The following MARCHF1 variants were observed in gnomAD, a reference collection of about 807,000 sequenced individuals.
MARCHF1 encodes E3 ubiquitin-protein ligase MARCHF1.
In MARCHF1, 40 loss-of-function variants were observed where a neutral mutation model predicts 54.2. The observed-to-expected ratio is 0.74, with a 90% CI of 0.57 to 0.96. MARCHF1 has a LOEUF of 0.96. Ranked by LOEUF, MARCHF1 falls within the 40% of genes least tolerant of loss-of-function variation. The probability of loss-of-function intolerance (pLI) is 0.00; values close to 1 mark genes in which losing one functional copy is unlikely to be tolerated. For missense variants in MARCHF1, 586 were observed against 656.5 expected (o/e 0.89, Z 1.17); for synonymous variants, 236 against 236.3 (o/e 1.00, Z 0.01).
intron 3 of MARCHF1, among the ~76,000 whole-genome samples, chr4:163,924,214 A>T (rs373670433): frequency 7.2e-5 from 11 of 152,082 alleles, no homozygotes; most frequent in East Asian, 3.8e-4. Flanking sequence ...ATGCTTTGCA[A>T]TTTCAGAGGA....
At chr4:163,781,119 G>C (rs990440452) in intron 4 of MARCHF1, among the ~76,000 whole-genome samples, 4 of 152,168 alleles carry the variant, frequency 2.6e-5, no homozygotes, top group East Asian at 1.9e-4. Flanking sequence ...CAAGGGGCGG[G>C]GGGGGTGGAT....
chr4:163,600,642 T>C (rs1740934350), intron 7 of MARCHF1, among the ~76,000 whole-genome samples: 1 of 152,154 alleles, frequency 6.6e-6, no homozygotes, highest in Non-Finnish European at 1.5e-5. Context: ...CCTCTTACTG[T>C]GTGGCAAAAC....
Position 163,664,710 on chromosome 4 carries a change from TATAA to T in MARCHF1, c.162+36099_162+36102del, listed in dbSNP as rs1288206033. Among the ~76,000 whole-genome samples the T allele has an allele frequency of 7.2e-5, 11 of 152,178 alleles. No homozygotes were observed. The East Asian group carries it at 2.1e-3, about 29-fold the overall frequency. On this transcript the variant is annotated intron_variant, in intron 5 of 9. Transcript: ENST00000514618. ...GGCTTAGGACAGAATAAATCAGCAT[TATAA>T]ATAAACTCTCAAAGATACTCCCCAT...
chr4:163,693,280 T>G (rs999163348), intron 5 of MARCHF1, among the ~76,000 whole-genome samples: 1 of 151,444 alleles, frequency 6.6e-6, no homozygotes, highest in Non-Finnish European at 1.5e-5. Flanking sequence ...CTAGTGCATT[T>G]CTTCCAGAGT....
intron 1 of MARCHF1, among the ~76,000 whole-genome samples, chr4:164,201,805 T>C (rs946748816): frequency 6.6e-6 from 1 of 152,208 alleles, no homozygotes; most frequent in South Asian, 2.1e-4. Flanking sequence ...ATAGAAAGGC[T>C]AGCTTGAATT....
At position 163,630,827 on chromosome 4, in the gene MARCHF1, A is replaced by C. The variant is rs189846295; in HGVS notation, c.163-17434T>G. Among the ~76,000 whole-genome samples the C allele has an allele frequency of 2.8e-3, 425 of 152,276 alleles. 1 individual carries two copies. The highest frequency in any genetic ancestry group is 6.8e-3 in the Middle Eastern group (2 of 294). ...AGAAAGATGAATACAAAAAAGGAAA[A>C]AATTGGTAGTGCAGAAAAAGTTGGA... On this transcript the variant is annotated intron_variant, in intron 5 of 9. Coordinates refer to ENST00000514618, the MANE Select transcript of MARCHF1 (RefSeq NM_001394959.1).
chr4:164,020,094 T>C (rs903542250), intron 2 of MARCHF1, among the ~76,000 whole-genome samples: 1 of 152,208 alleles, frequency 6.6e-6, no homozygotes, highest in Non-Finnish European at 1.5e-5. Context: ...GCCTCAAAAA[T>C]AGTATGGTGA....
At chr4:163,825,067 T>A (rs1748810018) in intron 4 of MARCHF1, among the ~76,000 whole-genome samples, 1 of 151,982 alleles carries the variant, frequency 6.6e-6, no homozygotes, top group African/African-American at 2.4e-5. Context: ...TTCAACCAAA[T>A]CTATCAAAAT....
At chr4:163,690,505 G>C (rs1248447227) in intron 5 of MARCHF1, among the ~76,000 whole-genome samples, 1 of 152,084 alleles carries the variant, frequency 6.6e-6, no homozygotes, top group Non-Finnish European at 1.5e-5. Context: ...TCGAGAGATG[G>C]AGCCCTTCCT....
chr4:163,983,772 C>T (rs1752806805), intron 3 of MARCHF1, among the ~76,000 whole-genome samples: 1 of 152,040 alleles, frequency 6.6e-6, no homozygotes, highest in Non-Finnish European at 1.5e-5. Context: ...TTTTAAGGAA[C>T]TTTCTGATTC....
At chr4:164,179,638 C>T (rs1349244017) in intron 1 of MARCHF1, among the ~76,000 whole-genome samples, 1 of 151,968 alleles carries the variant, frequency 6.6e-6, no homozygotes, top group Non-Finnish European at 1.5e-5. Context: ...CTGTAAAGGG[C>T]ACCTTAATGA....
intron 4 of MARCHF1, among the ~76,000 whole-genome samples, chr4:163,841,013 G>C (rs998865226): frequency 3.3e-5 from 5 of 151,936 alleles, no homozygotes; most frequent in Non-Finnish European, 5.9e-5. Context: ...CCTTTGTATA[G>C]CAAACTCAAC....
In MARCHF1 at chr4:164,027,036, G is replaced by T. The variant is rs796542392; in HGVS notation, c.-247-38327C>A. Reference sequence around the variant, plus strand: ...AGTAATATGTCTAAAGGAAGTGAAAGATCTCTATAAGGAGAACTAAAAAAC... The same window carrying T: ...AGTAATATGTCTAAAGGAAGTGAAATATCTCTATAAGGAGAACTAAAAAAC... On this transcript the variant is annotated intron_variant, in intron 2 of 9. Transcript: ENST00000514618. Among the ~76,000 whole-genome samples the T allele has an allele frequency of 2.0e-5, 3 of 151,850 alleles. No individual in the cohort carries two copies. The East Asian group carries it at 5.8e-4, about 29-fold the overall frequency.
chr4:164,139,259 A>C (rs1756468933), intron 1 of MARCHF1, among the ~76,000 whole-genome samples: 1 of 152,208 alleles, frequency 6.6e-6, no homozygotes, highest in Admixed American at 6.5e-5. Context: ...AAAATCTTGA[A>C]GGACACCAGT....
At chr4:164,108,026 T>A (rs886694944) in intron 2 of MARCHF1, among the ~76,000 whole-genome samples, 1 of 152,166 alleles carries the variant, frequency 6.6e-6, no homozygotes, top group Non-Finnish European at 1.5e-5. Context: ...AGTCTGAAAT[T>A]TGACATAATC....
intron 9 of MARCHF1, among the ~76,000 whole-genome samples, chr4:163,544,922 A>T (rs1738846129): frequency 6.6e-6 from 1 of 152,218 alleles, no homozygotes; most frequent in African/African-American, 2.4e-5. Flanking sequence ...GAAAACTTAT[A>T]GGGCCCAATG....
chr4:163,526,124 A>G lies in MARCHF1; in HGVS notation c.*2624T>C, dbSNP rs1194924182. On this transcript the variant is annotated 3_prime_UTR_variant, in exon 10 of 10. Transcript: ENST00000514618. ...TCCAAGCCCATAAAAGTTAATTGCA[A>G]GAATTTAGGTATAGTTTTAAAATCC... 1 of 152,114 alleles carries G rather than the reference A, an allele frequency of 6.6e-6. No homozygotes were observed. The highest frequency in any genetic ancestry group is 1.5e-5 in the Non-Finnish European group (1 of 67,990). 9.4% of individuals were successfully genotyped at this position (152,114 alleles called of 1,614,324 possible). A position where few individuals can be genotyped will look rare whatever the true frequency, so the allele number is the denominator to read the frequency against.
intron 5 of MARCHF1, among the ~76,000 whole-genome samples, chr4:163,671,554 C>T (rs1743736954): frequency 6.6e-6 from 1 of 152,128 alleles, no homozygotes; most frequent in Admixed American, 6.6e-5. Context: ...AGATACTTTC[C>T]TTGTAAGTAG....
intron 9 of MARCHF1, among the ~76,000 whole-genome samples, chr4:163,536,001 A>G (rs1253968056): frequency 1.3e-5 from 2 of 152,264 alleles, no homozygotes; most frequent in East Asian, 3.9e-4. Flanking sequence ...ACCTTCCAAC[A>G]AAGAATTATT....
Sources: gnomAD v4.1 joint callset for allele counts (sites outside exome capture counted in the v4.1 genomes callset) on GRCh38, gnomAD v4.1.1 for gene constraint, MANE v1.5 for transcripts, NCBI Gene and HGNC (gene_info 2026-07-23, HGNC 2026-07-21) for gene names.